The following SND1 variants were observed in gnomAD, a reference collection of about 807,000 sequenced individuals.
SND1 encodes staphylococcal nuclease domain-containing protein 1.
A neutral mutation model predicts 121.7 loss-of-function variants in SND1; 38 were observed. That is an observed-to-expected ratio of 0.31 (90% CI 0.24 to 0.41). The LOEUF (loss-of-function observed/expected upper bound fraction) is 0.41, where lower values mean the gene tolerates loss of function less well. SND1 is among the 10% of genes least tolerant of loss of function. The probability of loss-of-function intolerance (pLI) is 1.00; values close to 1 mark genes in which losing one functional copy is unlikely to be tolerated. For synonymous variants in SND1, 401 were observed against 447.4 expected, an observed-to-expected ratio of 0.90 and a Z score of 1.31; for missense variants, 868 against 1,184.6, an observed-to-expected ratio of 0.73 and a Z score of 3.92.
chr7:127,811,021 T>TCATCA (rs138487520), intron 11 of SND1, among the ~76,000 whole-genome samples: 9,865 of 152,288 alleles, frequency 0.065, 404 homozygotes, highest in Middle Eastern at 0.19. Context: ...AACTGTTCTA[T>TCATCA]CATCAGAGAC....
intron 15 of SND1, among the ~76,000 whole-genome samples, chr7:127,980,031 G>A (rs1802220789): frequency 6.6e-6 from 1 of 152,060 alleles, no homozygotes; most frequent in African/African-American, 2.4e-5. Context: ...AGCTTGGCCT[G>A]TGCTCTTGGA....
In SND1 at chr7:128,029,235, G is replaced by T; in HGVS notation, c.1779+38179G>T. 6.2e-7 allele frequency: 1 copy of T among 1,614,156 alleles called. No individual in the cohort carries two copies. The stretch of plus-strand genomic sequence containing the variant: ...AGGAACAGGCTTGTACTTTCGCGTT[G>T]TGTCCTCAGGCGAGATCTCCGTGGT... On this transcript the variant is annotated intron_variant, in intron 16 of 23. Coordinates refer to ENST00000354725, the MANE Select transcript of SND1 (RefSeq NM_014390.4). This position sits in a 1 kb window ranked among gnomAD's most constrained non-coding sequence, Gnocchi z 4.2.
chr7:127,791,971 A>G (rs1452384063), intron 10 of SND1, among the ~76,000 whole-genome samples: 2 of 152,270 alleles, frequency 1.3e-5, no homozygotes, highest in African/African-American at 2.4e-5. Flanking sequence ...TTAAAACCAC[A>G]AAATGATTCA....
At chr7:127,763,692 C>T (rs1039187134) in intron 10 of SND1, among the ~76,000 whole-genome samples, 12 of 151,840 alleles carry the variant, frequency 7.9e-5, no homozygotes, top group South Asian at 4.2e-4. Flanking sequence ...GACAAAAAAA[C>T]CCAGGACTAT....
At chr7:127,903,531 A>G (rs1197251226) in intron 13 of SND1, among the ~76,000 whole-genome samples, 3 of 152,216 alleles carry the variant, frequency 2.0e-5, no homozygotes, top group African/African-American at 7.2e-5. Flanking sequence ...TTTCTGAACC[A>G]GAAGCATTTC....
intron 15 of SND1, among the ~76,000 whole-genome samples, chr7:127,970,944 T>TATAA (rs139307706): frequency 0.059 from 8,970 of 151,808 alleles, 780 homozygotes; most frequent in African/African-American, 0.19. Context: ...ACCCTGTCTC[T>TATAA]ATAAATAAAT....
At chr7:127,941,889 G>GTTTTTT (rs34389081) in intron 15 of SND1, among the ~76,000 whole-genome samples, 3 of 100,260 alleles carry the variant, frequency 3.0e-5, no homozygotes, top group African/African-American at 4.0e-5. Flanking sequence ...TTGATAGGGA[G>GTTTTTT]TTTTTTTTTT....
intron 9 of SND1, among the ~76,000 whole-genome samples, chr7:127,711,919 C>A (rs562229687): frequency 2.0e-5 from 3 of 151,532 alleles, no homozygotes; most frequent in South Asian, 4.2e-4. Context: ...AGATAAAAAT[C>A]ATCTCTTAGC....
At chr7:127,947,287 G>A (rs552109813) in intron 15 of SND1, among the ~76,000 whole-genome samples, 132 of 152,154 alleles carry the variant, frequency 8.7e-4, no homozygotes, top group Admixed American at 2.5e-3. Flanking sequence ...GGAAGCCTCT[G>A]GAAATGTGTA....
intron 5 of SND1, 65 bp downstream of exon 5, chr7:127,701,388 TC>T: frequency 6.6e-7 from 1 of 1,525,270 alleles, no homozygotes; most frequent in Non-Finnish European, 8.9e-7. Flanking sequence ...ACTCTTTGCT[TC>T]TTGAGGTTTG....
intron 12 of SND1, among the ~76,000 whole-genome samples, chr7:127,859,595 G>A (rs553543127): frequency 1.1e-4 from 16 of 152,284 alleles, no homozygotes; most frequent in Non-Finnish European, 2.4e-4. Flanking sequence ...TTGATTTCTT[G>A]AGGAGAGTAG....
chr7:127,697,818 G>T (rs1036916317), intron 3 of SND1, among the ~76,000 whole-genome samples: 2 of 152,172 alleles, frequency 1.3e-5, no homozygotes, highest in Admixed American at 6.5e-5. Flanking sequence ...GCTTGCAGAG[G>T]TCGATGTGTA....
intron 9 of SND1, among the ~76,000 whole-genome samples, chr7:127,717,947 G>C (rs1222150391): frequency 6.6e-6 from 1 of 152,164 alleles, no homozygotes. Flanking sequence ...TGTGACAGAG[G>C]CTGAAGATAG....
At chr7:127,939,737 C>T (rs1801149675) in intron 15 of SND1, among the ~76,000 whole-genome samples, 1 of 152,046 alleles carries the variant, frequency 6.6e-6, no homozygotes, top group African/African-American at 2.4e-5. Flanking sequence ...GGGTGTTCAG[C>T]CCTTACCATC....
rs143668352 is a variant in SND1 at position 127,687,550 on chromosome 7, C to T, written c.228+788C>T. ...GTACCCATTGTTTAGTTCCCACTTA[C>T]AAAAGTTAGAACATGTGATATTTGA... On this transcript the variant is annotated intron_variant, in intron 2 of 23. Coordinates refer to ENST00000354725, the MANE Select transcript of SND1 (RefSeq NM_014390.4). Among the ~76,000 whole-genome samples, 1,207 of 152,268 alleles carry T rather than the reference C, an allele frequency of 7.9e-3. 18 individuals are homozygous for T. The highest frequency in any genetic ancestry group is 0.027 in the African/African-American group (1,127 of 41,544).
chr7:127,833,854 C>A (rs1563029302), intron 11 of SND1, among the ~76,000 whole-genome samples: 1 of 152,206 alleles, frequency 6.6e-6, no homozygotes, highest in Non-Finnish European at 1.5e-5. Context: ...ACTCTATACC[C>A]ATTAAATAAA....
chr7:127,728,314 C>G (rs912319692), intron 10 of SND1, among the ~76,000 whole-genome samples: 5 of 152,146 alleles, frequency 3.3e-5, no homozygotes, highest in Non-Finnish European at 5.9e-5. Context: ...CCATATCTCT[C>G]TCTTCCTTTA....
At chr7:127,884,096 T>A (rs1043874742) in intron 12 of SND1, among the ~76,000 whole-genome samples, 2 of 152,122 alleles carry the variant, frequency 1.3e-5, no homozygotes, top group Non-Finnish European at 2.9e-5. Context: ...CAAACAGTTA[T>A]AATCCACTCA....
At chr7:127,736,241 A>G (rs1796774439) in intron 10 of SND1, among the ~76,000 whole-genome samples, 1 of 152,208 alleles carries the variant, frequency 6.6e-6, no homozygotes, top group African/African-American at 2.4e-5. Context: ...TCACTTTATA[A>G]ATTTGGGAAA....
Sources: allele counts gnomAD v4.1 joint callset (sites outside exome capture counted in the v4.1 genomes callset), GRCh38; gene constraint gnomAD v4.1.1; non-coding constraint Gnocchi (gnomAD v3.1); transcripts MANE v1.5; gene names NCBI Gene and HGNC (gene_info 2026-07-23, HGNC 2026-07-21).